SPIC: variants seen among roughly 807,000 people sequenced by gnomAD.
SPIC encodes Spi-C transcription factor, also known as transcription factor Spi-C.
A neutral mutation model predicts 16.7 loss-of-function variants in SPIC; 9 were observed. The observed-to-expected ratio is 0.54, with a 90% CI of 0.33 to 0.94. SPIC has a LOEUF of 0.94. Among genes scored for constraint, SPIC ranks in the 40% least tolerant of loss-of-function variants. The pLI is 0.03. For missense variants in SPIC, 241 were observed against 285.8 expected, an observed-to-expected ratio of 0.84 and a Z score of 1.13; for synonymous variants, 97 against 102.9, an observed-to-expected ratio of 0.94 and a Z score of 0.35.
intron 5 of SPIC, among the ~76,000 whole-genome samples, chr12:101,483,725 T>C (rs143574895): frequency 1.3e-5 from 2 of 151,972 alleles, no homozygotes; most frequent in East Asian, 3.9e-4. Flanking sequence ...GCCTCCTGAG[T>C]AGCTGGGATT....
chr12:101,484,368 T>C (rs1873298676), intron 5 of SPIC, among the ~76,000 whole-genome samples: 1 of 151,258 alleles, frequency 6.6e-6, no homozygotes, highest in African/African-American at 2.4e-5. Context: ...GCTCCGTCTC[T>C]ACAAAAAATA....
At position 101,486,805 on chromosome 12, in the gene SPIC, G is replaced by A. The variant is rs758464007; in HGVS notation, c.*34G>A. The A allele has an allele frequency of 1.5e-5, 22 of 1,452,224 alleles. No individual in the cohort carries two copies. The highest frequency in any genetic ancestry group is 4.6e-5 in the Admixed American group (2 of 43,594). 90.0% of individuals were successfully genotyped at this position (1,452,224 alleles called of 1,614,324 possible). A position where few individuals can be genotyped will look rare whatever the true frequency, so the allele number is the denominator to read the frequency against. Reference sequence around the variant, plus strand: ...TCATATTTCATGGTTTACTGGCATCGGAAATCTCTACAAGTTTTAATGATT... The same window carrying A: ...TCATATTTCATGGTTTACTGGCATCAGAAATCTCTACAAGTTTTAATGATT... On this transcript the variant is annotated 3_prime_UTR_variant, in exon 6 of 6. Transcript: ENST00000551346.
rs763273633 is a variant in SPIC, at chr12:101,476,900, GA to G, written c.-2del. ...GGAACAGAATTGTCAATTTATTAATGAAATATGGTAAGCTGACATTTTAATA... is the reference window on the plus strand; with the variant it reads ...GGAACAGAATTGTCAATTTATTAATGAATATGGTAAGCTGACATTTTAATA... On this transcript the variant is annotated 5_prime_UTR_variant, in exon 2 of 6. Transcript: ENST00000551346. The G allele has an allele frequency of 4.8e-6, 7 of 1,450,654 alleles. No homozygotes were observed. Among genetic ancestry groups the G allele is most frequent in the South Asian group, 1.6e-5 (1 of 62,076 alleles). 89.9% of individuals were successfully genotyped at this position (1,450,654 alleles called of 1,614,324 possible). A position where few individuals can be genotyped will look rare whatever the true frequency, so the allele number is the denominator to read the frequency against.
At position 101,486,861 on chromosome 12, in the gene SPIC, A is replaced by C. The variant is rs1055315062; in HGVS notation, c.*90A>C. On this transcript the variant is annotated 3_prime_UTR_variant, in exon 6 of 6. Coordinates refer to ENST00000551346, the MANE Select transcript of SPIC (RefSeq NM_152323.3). ...CTCCCTCTCTTTTTTTCCTCCTCTG[A>C]AGAAATTTAGGATTTTTCTCTTAAA... 7.7e-6 allele frequency: 9 copies of C among 1,174,802 alleles called. No individual in the cohort carries two copies. In the African/African-American group the frequency reaches 1.2e-4, roughly 16 times the overall value. 72.8% of individuals were successfully genotyped at this position (1,174,802 alleles called of 1,614,324 possible).
chr12:101,477,487 T>C lies in SPIC; in HGVS notation c.4-71T>C. The C allele has an allele frequency of 2.1e-6, 3 of 1,400,812 alleles. No individual in the cohort carries two copies. The South Asian group carries it at 3.5e-5, about 16-fold the overall frequency. 86.8% of individuals were successfully genotyped at this position (1,400,812 alleles called of 1,614,324 possible). On this transcript the variant is annotated intron_variant, in intron 2 of 5. Transcript: ENST00000551346. ...AGAAACCCTCCTTTAGACTAAATAC[T>C]ATTTTAAATCAGGGAGATTAAGTTT...
At chr12:101,486,310 C>T in intron 5 of SPIC, 34 bp from the exon 6 acceptor site, 11 of 1,568,190 alleles carry the variant, frequency 7.0e-6, no homozygotes, top group Non-Finnish European at 8.6e-6. Flanking sequence ...TTTACAGCCA[C>T]GGTGGAGTTT....
At chr12:101,481,780 T>C (rs2121256717) in intron 4 of SPIC, among the ~76,000 whole-genome samples, 1 of 150,714 alleles carries the variant, frequency 6.6e-6, no homozygotes, top group Admixed American at 6.6e-5. Context: ...TCCCAAAGTG[T>C]TGGAATTACA....
At position 101,475,357 on chromosome 12, in the gene SPIC, C is replaced by T. The variant is rs1872924973; in HGVS notation, c.-223C>T. On this transcript the variant is annotated 5_prime_UTR_variant, in exon 1 of 6. Coordinates refer to ENST00000551346, the MANE Select transcript of SPIC (RefSeq NM_152323.3). ...TCTTGATGGTTATGTCTTAACAATT[C>T]TAATTTTTAAAAAAAATATTACTAT... is the stretch of plus-strand genomic sequence containing the variant. 6.6e-6 allele frequency: 1 copy of T among 151,966 alleles called. No individual in the cohort carries two copies. Among genetic ancestry groups the T allele is most frequent in the Admixed American group, 6.6e-5 (1 of 15,238 alleles). 9.4% of individuals were successfully genotyped at this position (151,966 alleles called of 1,614,324 possible). A position where few individuals can be genotyped will look rare whatever the true frequency, so the allele number is the denominator to read the frequency against.
intron 3 of SPIC, among the ~76,000 whole-genome samples, chr12:101,478,619 T>G (rs1212683608): frequency 6.6e-6 from 1 of 152,224 alleles, no homozygotes; most frequent in Non-Finnish European, 1.5e-5. Context: ...TTGACATTTA[T>G]TTATCTAATA....
intron 5 of SPIC, among the ~76,000 whole-genome samples, chr12:101,483,577 C>T (rs902826739): frequency 1.3e-5 from 2 of 151,812 alleles, no homozygotes; most frequent in African/African-American, 4.8e-5. Context: ...ACAGTAGATA[C>T]TAGGTGATAG....
intron 3 of SPIC, among the ~76,000 whole-genome samples, chr12:101,479,204 GAAA>G (rs1565831057): frequency 8.6e-6 from 1 of 116,716 alleles, no homozygotes; most frequent in Non-Finnish European, 1.8e-5. Flanking sequence ...AAGAAAGAAA[GAAA>G]GAAAGAAAGA....
At chr12:101,485,898 G>C (rs1329066817) in intron 5 of SPIC, among the ~76,000 whole-genome samples, 1 of 152,202 alleles carries the variant, frequency 6.6e-6, no homozygotes, top group Non-Finnish European at 1.5e-5. Context: ...GGGTTCGAGG[G>C]AGAATCCTCA....
intron 2 of SPIC, 127 bp from the exon 3 acceptor site, chr12:101,477,431 C>T (rs1438176554): frequency 1.2e-6 from 1 of 836,414 alleles, no homozygotes; most frequent in African/African-American, 1.7e-5. Flanking sequence ...ACAGAGACAG[C>T]CAACACCAAA....
At chr12:101,484,589 T>C (rs897164609) in intron 5 of SPIC, among the ~76,000 whole-genome samples, 27 of 150,708 alleles carry the variant, frequency 1.8e-4, no homozygotes, top group African/African-American at 3.2e-4. Context: ...GATAAATATA[T>C]AGTTGAGGGA....
intron 5 of SPIC, among the ~76,000 whole-genome samples, chr12:101,484,884 A>G (rs978865328): frequency 2.6e-5 from 4 of 151,936 alleles, no homozygotes; most frequent in African/African-American, 9.7e-5. Flanking sequence ...TTAATAAATA[A>G]AATAAAATAA....
chr12:101,479,457 T>A, intron 3 of SPIC, 125 bp from the exon 4 acceptor site: 2 of 655,016 alleles, frequency 3.1e-6, no homozygotes, highest in Non-Finnish European at 5.2e-6. Context: ...ACAGGAGAAG[T>A]GCAAAGTGGC....
chr12:101,479,307 A>AGAAAGAAAGAAAGAAAGAAAGAAAG lies in SPIC; in HGVS notation c.98-275_98-274insGAAAGAAAGAAAGAAAGAAAGAAAG, dbSNP rs1555209046. On this transcript the variant is annotated intron_variant, in intron 3 of 5. Transcript: ENST00000551346. ...GAAAAAGAAAGAAAGAAAGAAAGAAAAAAGAAAGAAAGAAAGAAAGAAAGA... is the reference window on the plus strand; with the variant it reads ...GAAAAAGAAAGAAAGAAAGAAAGAAAGAAAGAAAGAAAGAAAGAAAGAAAGAAAGAAAGAAAGAAAGAAAGAAAGA... 5.6e-4 allele frequency among the ~76,000 whole-genome samples: 49 copies of AGAAAGAAAGAAAGAAAGAAAGAAAG among 88,158 alleles called. 8 individuals are homozygous for AGAAAGAAAGAAAGAAAGAAAGAAAG. The highest frequency in any genetic ancestry group is 6.8e-4 in the Admixed American group (6 of 8,796). 57.8% of individuals were successfully genotyped at this position (88,158 alleles called of 152,430 possible).
Position 101,479,589 on chromosome 12 carries a change from A to G in SPIC, c.105A>G (p.Arg35=). 1 of 1,611,232 alleles carries G rather than the reference A, an allele frequency of 6.2e-7. No individual in the cohort carries two copies. The change falls in exon 4 of 6, where the codon AGA becomes AGG. Residue 35 remains arginine (R), a synonymous_variant. Coordinates refer to ENST00000551346, the MANE Select transcript of SPIC (RefSeq NM_152323.3). ...TGDLQYSPDY[R]NYLALINHRP... is the part of the protein sequence containing the mutation. ...TCTCTGATTTAAAATTAGATTACAG[A>G]AATTACCTGGCTTTAATCAACCATC...
At chr12:101,484,403 G>T (rs570374792) in intron 5 of SPIC, among the ~76,000 whole-genome samples, 1 of 151,630 alleles carries the variant, frequency 6.6e-6, no homozygotes, top group African/African-American at 2.4e-5. Flanking sequence ...GGGCATGGTG[G>T]TGGGTGCCTG....
Sources: gnomAD v4.1 joint callset for allele counts (sites outside exome capture counted in the v4.1 genomes callset) on GRCh38, gnomAD v4.1.1 for gene constraint, MANE v1.5 for transcripts, NCBI Gene and HGNC (gene_info 2026-07-23, HGNC 2026-07-21) for gene names.